RALYL: variants seen among roughly 807,000 people sequenced by gnomAD.
RALYL encodes RNA-binding Raly-like protein.
RALYL carries 29 observed loss-of-function variants against 35.1 expected under a neutral mutation model. The ratio of observed to expected loss-of-function variants is 0.83; its 90% CI spans 0.61 to 1.13. The LOEUF (loss-of-function observed/expected upper bound fraction) is 1.13. Ranked by LOEUF, RALYL falls within the 50% of genes most tolerant of loss-of-function variation. RALYL has a pLI of 0.00. For synonymous variants in RALYL, 120 were observed against 127.6 expected (o/e 0.94, Z 0.40); for missense variants, 359 against 360.4 (o/e 1.00, Z 0.03).
intron 1 of RALYL, among the ~76,000 whole-genome samples, chr8:84,379,617 C>T (rs930737934): frequency 2.0e-5 from 3 of 151,554 alleles, no homozygotes; most frequent in Non-Finnish European, 4.4e-5. Context: ...ATAGGGTGGA[C>T]CAAGTTTCTT....
At chr8:84,750,370 T>C (rs745404254) in intron 2 of RALYL, among the ~76,000 whole-genome samples, 1 of 152,142 alleles carries the variant, frequency 6.6e-6, no homozygotes, top group Admixed American at 6.6e-5. Context: ...AAGAATGATG[T>C]GGTAACTTTT....
chr8:84,311,208 C>A (rs974857665), intron 1 of RALYL, among the ~76,000 whole-genome samples: 1 of 149,546 alleles, frequency 6.7e-6, no homozygotes, highest in African/African-American at 2.5e-5. Flanking sequence ...ATGTAAAAAA[C>A]CTTTAAAAAG....
intron 1 of RALYL, among the ~76,000 whole-genome samples, chr8:84,407,596 T>C (rs1435031405): frequency 6.6e-6 from 1 of 152,158 alleles, no homozygotes; most frequent in Non-Finnish European, 1.5e-5. Context: ...GATTTCCCTA[T>C]GTCTCTGTAA....
chr8:84,712,344 A>C (rs1373963828), intron 2 of RALYL, among the ~76,000 whole-genome samples: 1 of 152,104 alleles, frequency 6.6e-6, no homozygotes. Flanking sequence ...ATACAGATTG[A>C]CCTTAAATGG....
chr8:84,221,348 C>T (rs1014768134), intron 1 of RALYL, among the ~76,000 whole-genome samples: 2 of 151,814 alleles, frequency 1.3e-5, no homozygotes, highest in African/African-American at 4.8e-5. Context: ...ACTGTTTTCA[C>T]ATTCATGGAA....
At chr8:84,260,656 G>A (rs1832082383) in intron 1 of RALYL, among the ~76,000 whole-genome samples, 1 of 152,146 alleles carries the variant, frequency 6.6e-6, no homozygotes, top group African/African-American at 2.4e-5. Flanking sequence ...AAAGGGATAA[G>A]GAGAATTGAT....
chr8:84,598,798 A>G (rs1372645628), intron 2 of RALYL, among the ~76,000 whole-genome samples: 2 of 152,122 alleles, frequency 1.3e-5, no homozygotes, highest in African/African-American at 4.8e-5. Flanking sequence ...GAGTGCAGGT[A>G]TCTCTTTAAC....
At chr8:84,239,026 C>T (rs2131542222) in intron 1 of RALYL, among the ~76,000 whole-genome samples, 2 of 152,248 alleles carry the variant, frequency 1.3e-5, no homozygotes, top group Middle Eastern at 3.4e-3. Context: ...CCATGTTAGG[C>T]ACCATAATGA....
chr8:84,442,442 T>G (rs1007112917), intron 1 of RALYL, among the ~76,000 whole-genome samples: 1 of 152,150 alleles, frequency 6.6e-6, no homozygotes, highest in South Asian at 2.1e-4. Context: ...TTTCTTTTCC[T>G]ACAACCACCA....
At chr8:84,315,830 A>C (rs915415812) in intron 1 of RALYL, among the ~76,000 whole-genome samples, 12 of 151,968 alleles carry the variant, frequency 7.9e-5, no homozygotes, top group Non-Finnish European at 1.0e-4. Context: ...AAAAAAAAAA[A>C]AACTTTCTGA....
intron 2 of RALYL, among the ~76,000 whole-genome samples, chr8:84,686,232 G>C (rs1836753915): frequency 6.6e-6 from 1 of 150,952 alleles, no homozygotes; most frequent in Non-Finnish European, 1.5e-5. Flanking sequence ...CACAAAAGTG[G>C]TGAAGTAAAC....
At chr8:84,290,381 G>A (rs1009866245) in intron 1 of RALYL, among the ~76,000 whole-genome samples, 2 of 152,202 alleles carry the variant, frequency 1.3e-5, no homozygotes, top group African/African-American at 2.4e-5. Context: ...GGGTGCAGGC[G>A]GGCTGAGTCC....
At chr8:84,510,368 C>T (rs971144928) in intron 1 of RALYL, among the ~76,000 whole-genome samples, 2 of 152,154 alleles carry the variant, frequency 1.3e-5, no homozygotes, top group African/African-American at 4.8e-5. Flanking sequence ...TTTAATGTAG[C>T]TTTACTTGAT....
intron 1 of RALYL, among the ~76,000 whole-genome samples, chr8:84,515,087 G>A (rs1449674937): frequency 6.6e-6 from 1 of 152,080 alleles, no homozygotes. Context: ...CAATAATTGT[G>A]TTTTTCTGTA....
chr8:84,672,619 G>A (rs1366753142), intron 2 of RALYL, among the ~76,000 whole-genome samples: 2 of 152,164 alleles, frequency 1.3e-5, no homozygotes, highest in Non-Finnish European at 2.9e-5. Context: ...ACATGACTGG[G>A]GAGGTCTTAT....
chr8:84,813,025 T>C, intron 4 of RALYL, among the ~76,000 whole-genome samples: 1 of 152,220 alleles, frequency 6.6e-6, no homozygotes, highest in East Asian at 1.9e-4. Flanking sequence ...ACCCTCCTGA[T>C]GGATCCCTGT....
chr8:84,654,270 C>CATATAGAT, intron 2 of RALYL, among the ~76,000 whole-genome samples: 1 of 44,478 alleles, frequency 2.2e-5, no homozygotes, highest in Non-Finnish European at 5.7e-5. Flanking sequence ...TCTCATGTTC[C>CATATAGAT]ATATATATAT....
At chr8:84,492,748 T>C (rs746755215) in intron 1 of RALYL, among the ~76,000 whole-genome samples, 27 of 147,672 alleles carry the variant, frequency 1.8e-4, no homozygotes, top group African/African-American at 7.0e-4. Flanking sequence ...AATGAATAAA[T>C]ATATCTTTCA....
At chr8:84,813,689 G>A (rs1826436174) in intron 4 of RALYL, among the ~76,000 whole-genome samples, 1 of 152,122 alleles carries the variant, frequency 6.6e-6, no homozygotes, top group African/African-American at 2.4e-5. Flanking sequence ...TTGTTAATAT[G>A]CACTGGTGAA....
Sources: allele counts gnomAD v4.1 joint callset (sites outside exome capture counted in the v4.1 genomes callset), GRCh38; gene constraint gnomAD v4.1.1; transcripts MANE v1.5; gene names NCBI Gene and HGNC (gene_info 2026-07-23, HGNC 2026-07-21).